Variants in HYAL4 observed in about 807,000 individuals in gnomAD.
The protein encoded by HYAL4 is hyaluronidase 4, also known as hyaluronidase-4.
HYAL4 carries 37 observed loss-of-function variants against 35.2 expected under a neutral mutation model. The ratio of observed to expected loss-of-function variants is 1.05; its 90% CI spans 0.81 to 1.38. The LOEUF (loss-of-function observed/expected upper bound fraction) is 1.38, where lower values mean the gene tolerates loss of function less well. Ranked by LOEUF, HYAL4 falls within the 40% of genes most tolerant of loss-of-function variation. HYAL4 has a pLI of 0.00. For synonymous variants in HYAL4, 198 were observed against 203.2 expected (o/e 0.97, Z 0.22); for missense variants, 572 against 572.4 (o/e 1.00, Z 0.01).
At chr7:123,769,840 C>T in the HYAL4 span, among the ~76,000 whole-genome samples, 1 of 150,790 alleles carries the variant, frequency 6.6e-6, no homozygotes, top group Admixed American at 6.6e-5. Flanking sequence ...AAAAAAACAC[C>T]GTTAAACAAA....
At position 123,868,984 on chromosome 7, in the gene HYAL4, C is replaced by T. The variant is rs767709879; in HGVS notation, c.711C>T (p.Cys237=). Residue 237 remains cysteine (C), a synonymous_variant, in exon 3 of 5, where the codon TGC becomes TGT. Coordinates refer to ENST00000223026, the MANE Select transcript of HYAL4 (RefSeq NM_012269.3). ...ATGCCCCAAACTACTCTGGGTCATG[C>T]CCAGAAGACGAAGTCTTGAGGAACA... The part of the protein sequence containing the change: ...NVYAPNYSGS[C]PEDEVLRNNE... The T allele has an allele frequency of 3.7e-6, 6 of 1,613,674 alleles. No homozygotes were observed. The highest frequency in any genetic ancestry group is 3.3e-5 in the Admixed American group (2 of 59,942).
At chr7:123,858,504 G>A (rs1806507860) in intron 2 of HYAL4, among the ~76,000 whole-genome samples, 1 of 152,048 alleles carries the variant, frequency 6.6e-6, no homozygotes, top group Admixed American at 6.6e-5. Context: ...TAGGTTAGAA[G>A]ATCTGTCTTA....
chr7:123,836,400 C>T (rs1233770518), intron 1 of HYAL4, among the ~76,000 whole-genome samples: 1 of 152,140 alleles, frequency 6.6e-6, no homozygotes, highest in Non-Finnish European at 1.5e-5. Context: ...GATAGCTACT[C>T]CTGCTCACTT....
chr7:123,808,634 C>G, the HYAL4 span, among the ~76,000 whole-genome samples: 1 of 152,174 alleles, frequency 6.6e-6, no homozygotes, highest in Non-Finnish European at 1.5e-5. Context: ...CCCTTTCTCT[C>G]TAGATCTTCC....
rs1806763905 is a variant in HYAL4, at chr7:123,868,574, T to C, written c.301T>C (p.Tyr101His). Residue 101 changes from tyrosine (Y) to histidine (H), a missense_variant, in exon 3 of 5, where the codon TAT becomes CAT. Transcript: ENST00000223026. ...CAACAGATTGGGATACTATCCGTGG[T>C]ATACATCACAAGGGGTCCCCATTAA... is the stretch of plus-strand genomic sequence containing the variant. ...YVNRLGYYPW[Y>H]TSQGVPINGG... 13 of 1,614,180 alleles carry C rather than the reference T, an allele frequency of 8.1e-6. No individual in the cohort carries two copies. The highest frequency in any genetic ancestry group is 1.1e-5 in the Non-Finnish European group (13 of 1,180,006).
chr7:123,864,071 C>G (rs1291115099), intron 2 of HYAL4, among the ~76,000 whole-genome samples: 1 of 152,132 alleles, frequency 6.6e-6, no homozygotes, highest in Non-Finnish European at 1.5e-5. Context: ...GAAATAGGCC[C>G]TGTCTGTTTG....
chr7:123,777,322 A>G, the HYAL4 span, among the ~76,000 whole-genome samples: 31 of 152,098 alleles, frequency 2.0e-4, no homozygotes, highest in Admixed American at 1.2e-3. Flanking sequence ...ATTCCTTTTT[A>G]TATTGATAAC....
At chr7:123,860,234 A>G (rs73226118) in intron 2 of HYAL4, among the ~76,000 whole-genome samples, 5,467 of 152,234 alleles carry the variant, frequency 0.036, 102 homozygotes, top group Middle Eastern at 0.095. Flanking sequence ...TTCCCCTGCC[A>G]TAGGGAACTG....
chr7:123,852,304 GTC>G (rs1158964144), intron 2 of HYAL4, among the ~76,000 whole-genome samples: 1 of 152,204 alleles, frequency 6.6e-6, no homozygotes, highest in East Asian at 1.9e-4. Flanking sequence ...CAGCCATGAA[GTC>G]TTTTCCCATG....
chr7:123,779,864 T>C, the HYAL4 span, among the ~76,000 whole-genome samples: 372 of 152,294 alleles, frequency 2.4e-3, 3 homozygotes, highest in African/African-American at 8.3e-3. Context: ...TCATTATCTA[T>C]TTATTTGGTC....
chr7:123,794,858 GAA>G, the HYAL4 span, among the ~76,000 whole-genome samples: 1 of 152,220 alleles, frequency 6.6e-6, no homozygotes, highest in African/African-American at 2.4e-5. Flanking sequence ...GAAGCTGTGA[GAA>G]GAGGGCCACT....
In HYAL4 at chr7:123,845,329, C is replaced by T. The variant is rs535728011; in HGVS notation, c.-478C>T. The T allele has an allele frequency of 3.7e-4, 56 of 150,218 alleles. 1 individual carries two copies. Among genetic ancestry groups the T allele is most frequent in the Non-Finnish European group, 7.5e-4 (51 of 67,874 alleles). The allele number at this position is 150,218 out of a possible 1,614,324, so 9.3% of individuals were successfully genotyped here. A position where few individuals can be genotyped will look rare whatever the true frequency, so the allele number is the denominator to read the frequency against. On this transcript the variant is annotated 5_prime_UTR_variant, in exon 1 of 5. Transcript: ENST00000223026. ...GTTCAAGTGATTCTCCTGACTTAAC[C>T]TCCTGAGTAGCTGGGACTACAAGAG...
chr7:123,795,087 C>G, the HYAL4 span, among the ~76,000 whole-genome samples: 2 of 152,234 alleles, frequency 1.3e-5, no homozygotes, highest in African/African-American at 2.4e-5. Flanking sequence ...AATTTTTTAA[C>G]TTTAAGGTTT....
At chr7:123,844,219 C>G (rs1457943891), upstream of HYAL4, 1 of 149,820 alleles carries the variant, frequency 6.7e-6, no homozygotes, top group Admixed American at 6.6e-5. Context: ...GATGCTATTC[C>G]TTTCTTTTTG....
intron 4 of HYAL4, among the ~76,000 whole-genome samples, chr7:123,875,444 G>A (rs1217940893): frequency 6.6e-6 from 1 of 151,924 alleles, no homozygotes; most frequent in Non-Finnish European, 1.5e-5. Flanking sequence ...ATCACTTCAG[G>A]CCAGGAGTTC....
At chr7:123,843,455 G>A (rs1806108321), upstream of HYAL4, among the ~76,000 whole-genome samples, 1 of 151,836 alleles carries the variant, frequency 6.6e-6, no homozygotes. Context: ...TTCAACCTTG[G>A]TGAATCTGAC....
Position 123,859,566 on chromosome 7 carries a change from T to TA in HYAL4, c.-51-8649dup, listed in dbSNP as rs573613838. On this transcript the variant is annotated intron_variant, in intron 2 of 4. Transcript: ENST00000223026. ...TCTGGCTGATAGTGTTCATTTCCAT[T>TA]AAAAAAAATCATTCTTATTTCCTGA... Among the ~76,000 whole-genome samples, 115 of 152,074 alleles carry TA rather than the reference T, an allele frequency of 7.6e-4. 1 individual carries two copies. The highest frequency in any genetic ancestry group is 3.4e-3 in the Middle Eastern group (1 of 294).
At chr7:123,867,975 A>G (rs1584925183) in intron 2 of HYAL4, among the ~76,000 whole-genome samples, 1 of 152,170 alleles carries the variant, frequency 6.6e-6, no homozygotes, top group Admixed American at 6.5e-5. Flanking sequence ...CAAGGACTAC[A>G]TCTTATTCAT....
chr7:123,770,334 T>TG, the HYAL4 span, among the ~76,000 whole-genome samples: 2 of 150,856 alleles, frequency 1.3e-5, no homozygotes, highest in Non-Finnish European at 3.0e-5. Flanking sequence ...CCCAGCTGCT[T>TG]GGGAGGCTGA....
Sources: gnomAD v4.1 joint callset for allele counts (sites outside exome capture counted in the v4.1 genomes callset) on GRCh38, gnomAD v4.1.1 for gene constraint, MANE v1.5 for transcripts, NCBI Gene and HGNC (gene_info 2026-07-23, HGNC 2026-07-21) for gene names.